Variants in SYNE2 observed in about 807,000 individuals in gnomAD.
SYNE2 encodes the protein spectrin repeat containing nuclear envelope protein 2, also known as nesprin-2.
In SYNE2, 431 loss-of-function variants were observed where a neutral mutation model predicts 856.3. That is an observed-to-expected ratio of 0.50 (90% CI 0.47 to 0.55). The LOEUF (loss-of-function observed/expected upper bound fraction) is 0.55, where lower values mean the gene tolerates loss of function less well. Among genes scored for constraint, SYNE2 ranks in the 20% least tolerant of loss-of-function variants. The pLI is 0.00. For synonymous variants in SYNE2, 2,923 were observed against 2,872.3 expected (o/e 1.02, Z -0.56); for missense variants, 8,129 against 8,023.2 (o/e 1.01, Z -0.50).
chr14:64,007,237 G>A lies in SYNE2; in HGVS notation c.4577+15G>A. 1.9e-6 allele frequency: 3 copies of A among 1,611,472 alleles called. No homozygotes were observed. The highest frequency in any genetic ancestry group is 2.5e-6 in the Non-Finnish European group (3 of 1,177,670). On this transcript the variant is annotated intron_variant, in intron 31 of 115. Coordinates refer to ENST00000555002, the MANE Select transcript of SYNE2 (RefSeq NM_182914.3). ...GTCACCGAATGGTAAGGAAAAAAAA[G>A]AATCCCTCTTGAATCTGAAAAATTG... is the stretch of plus-strand genomic sequence containing the variant.
intron 1 of SYNE2, among the ~76,000 whole-genome samples, chr14:63,907,184 C>G (rs544823800): frequency 9.8e-4 from 149 of 152,294 alleles, no homozygotes; most frequent in African/African-American, 3.4e-3. Flanking sequence ...GAGGATTTTG[C>G]TTAATATTCT....
chr14:63,885,200 G>C (rs969163530), intron 1 of SYNE2, among the ~76,000 whole-genome samples: 1 of 152,158 alleles, frequency 6.6e-6, no homozygotes, highest in African/African-American at 2.4e-5. Flanking sequence ...GGACAACTCT[G>C]AGAGCCATGT....
chr14:64,135,024 T>TC (rs2098073082), intron 78 of SYNE2, among the ~76,000 whole-genome samples: 1 of 119,098 alleles, frequency 8.4e-6, no homozygotes, highest in African/African-American at 5.3e-5. Flanking sequence ...TTTTAAACTT[T>TC]TTTGTGTAAC....
intron 32 of SYNE2, among the ~76,000 whole-genome samples, chr14:64,016,176 T>G (rs1187457284): frequency 6.6e-6 from 1 of 152,090 alleles, no homozygotes; most frequent in Non-Finnish European, 1.5e-5. Context: ...TTTTGGCAGA[T>G]AGAATCTTAT....
At chr14:63,765,455 C>A (rs1429229911) in intron 1 of SYNE2, among the ~76,000 whole-genome samples, 1 of 152,156 alleles carries the variant, frequency 6.6e-6, no homozygotes, top group Non-Finnish European at 1.5e-5. Context: ...TGGGTTCACA[C>A]CATTCTCCCA....
intron 1 of SYNE2, among the ~76,000 whole-genome samples, chr14:63,876,987 A>G (rs1312831593): frequency 1.3e-5 from 2 of 152,184 alleles, no homozygotes; most frequent in Non-Finnish European, 2.9e-5. Flanking sequence ...AAATAGACCA[A>G]TTGAGACTAA....
intron 1 of SYNE2, among the ~76,000 whole-genome samples, chr14:63,903,830 A>C (rs919472106): frequency 6.8e-6 from 1 of 147,146 alleles, no homozygotes; most frequent in African/African-American, 2.5e-5. Context: ...TTTTAATTTC[A>C]GAGACATTCT....
intron 1 of SYNE2, among the ~76,000 whole-genome samples, chr14:63,828,133 G>A (rs11844611): frequency 0.025 from 3,698 of 150,120 alleles, 159 homozygotes; most frequent in African/African-American, 0.085. Context: ...GGAGGTTGAG[G>A]CTGCCATGAG....
chr14:64,009,558 A>AAG (rs1567041431), intron 31 of SYNE2, among the ~76,000 whole-genome samples: 3 of 148,038 alleles, frequency 2.0e-5, no homozygotes, highest in Non-Finnish European at 3.0e-5. Context: ...AAAAAAAAAA[A>AAG]AGAGAATAGA....
At chr14:63,840,703 T>A (rs1174317160) in intron 1 of SYNE2, among the ~76,000 whole-genome samples, 7 of 152,058 alleles carry the variant, frequency 4.6e-5, no homozygotes, top group African/African-American at 1.7e-4. Flanking sequence ...TTCACTTCTT[T>A]AGGTCTCCTT....
intron 106 of SYNE2, 69 bp from the exon 107 acceptor site, chr14:64,215,217 T>C: frequency 1.5e-6 from 2 of 1,309,412 alleles, no homozygotes; most frequent in Non-Finnish European, 2.2e-6. Context: ...ATGTTTCTAC[T>C]GTGTGTTAAT....
Position 64,015,588 on chromosome 14 carries a change from G to A in SYNE2, c.4729-885G>A, listed in dbSNP as rs563781066. 4.1e-4 allele frequency among the ~76,000 whole-genome samples: 62 copies of A among 151,956 alleles called. No individual in the cohort carries two copies. The South Asian group carries it at 6.9e-3, about 17-fold the overall frequency. On this transcript the variant is annotated intron_variant, in intron 32 of 115. Transcript: ENST00000555002. The stretch of plus-strand genomic sequence containing the variant: ...CTTTCTTCTGTCTTTGCTTTTGTCC[G>A]TCTTTCTAGAAGTTTATCAATTTTA...
chr14:63,967,292 C>G (rs944418474), intron 10 of SYNE2, among the ~76,000 whole-genome samples: 5 of 152,236 alleles, frequency 3.3e-5, no homozygotes, highest in African/African-American at 9.6e-5. Flanking sequence ...AGCTGAAGCT[C>G]AGTTATTCAT....
intron 64 of SYNE2, among the ~76,000 whole-genome samples, chr14:64,105,909 A>C (rs1199663521): frequency 6.6e-6 from 1 of 151,912 alleles, no homozygotes; most frequent in Non-Finnish European, 1.5e-5. Flanking sequence ...AAAATACAAA[A>C]TTAGCCGGTC....
intron 99 of SYNE2, among the ~76,000 whole-genome samples, chr14:64,198,255 C>G (rs1373844658): frequency 1.3e-5 from 2 of 152,226 alleles, no homozygotes; most frequent in Non-Finnish European, 2.9e-5. Flanking sequence ...GTGGTTGCTT[C>G]TGTGTGCCAG....
At chr14:64,186,714 C>T in intron 97 of SYNE2, 135 bp downstream of exon 97, 3 of 1,156,136 alleles carry the variant, frequency 2.6e-6, no homozygotes, top group Non-Finnish European at 3.8e-6. Context: ...CCGGCCGCTG[C>T]TCCTTTAGAA....
chr14:63,925,214 T>A (rs575991813), intron 2 of SYNE2, among the ~76,000 whole-genome samples: 7 of 152,130 alleles, frequency 4.6e-5, no homozygotes, highest in African/African-American at 1.7e-4. Context: ...CCCAGCTACT[T>A]GGGAAGCTGA....
intron 57 of SYNE2, 46 bp from the exon 58 acceptor site, chr14:64,087,625 G>A: frequency 2.5e-6 from 4 of 1,581,524 alleles, no homozygotes; most frequent in East Asian, 2.2e-5. Context: ...GCTTATATCA[G>A]GATCTTGATG....
rs1358279512 is a variant in SYNE2 at position 63,990,925 on chromosome 14, A to AT, written c.2473-10dup. 1.3e-5 allele frequency: 21 copies of AT among 1,612,510 alleles called. No individual in the cohort carries two copies. The highest frequency in any genetic ancestry group is 1.5e-5 in the Non-Finnish European group (18 of 1,178,804). ...AATTGGTCCCCGTGTTAATTTGAGAATTTTTTTGTCTTCAAGATCAATGTG... is the reference window on the plus strand; with the variant it reads ...AATTGGTCCCCGTGTTAATTTGAGAATTTTTTTTGTCTTCAAGATCAATGTG... On this transcript the variant is annotated splice_polypyrimidine_tract_variant and intron_variant, in intron 20 of 115. Transcript: ENST00000555002.
Sources: allele counts gnomAD v4.1 joint callset (sites outside exome capture counted in the v4.1 genomes callset), GRCh38; gene constraint gnomAD v4.1.1; transcripts MANE v1.5; gene names NCBI Gene and HGNC (gene_info 2026-07-23, HGNC 2026-07-21).